SPMIP2: variants seen among roughly 807,000 people sequenced by gnomAD.
SPMIP2 encodes the protein sperm microtubule inner protein 2.
the SPMIP2 span, among the ~76,000 whole-genome samples, chr4:158,968,186 C>T: frequency 1.3e-5 from 2 of 152,094 alleles, no homozygotes; most frequent in African/African-American, 2.4e-5. Flanking sequence ...CCCATCACCA[C>T]GTCCAGCTAA....
chr4:158,972,131 G>A, the SPMIP2 span, among the ~76,000 whole-genome samples: 50,152 of 152,096 alleles, frequency 0.33, 8,391 homozygotes, highest in South Asian at 0.36. Flanking sequence ...GGAGGCCGAC[G>A]CAGGTGGATT....
the SPMIP2 span, among the ~76,000 whole-genome samples, chr4:158,997,520 G>C: frequency 6.6e-6 from 1 of 152,180 alleles, no homozygotes; most frequent in Non-Finnish European, 1.5e-5. Flanking sequence ...ACCGGACCCA[G>C]CCAAGGATAT....
the SPMIP2 span, among the ~76,000 whole-genome samples, chr4:158,915,600 T>C: frequency 6.6e-6 from 1 of 152,184 alleles, no homozygotes; most frequent in African/African-American, 2.4e-5. Flanking sequence ...ATGAAGCTTG[T>C]TGACGAATGC....
the SPMIP2 span, among the ~76,000 whole-genome samples, chr4:159,036,268 A>G: frequency 6.6e-6 from 1 of 152,200 alleles, no homozygotes; most frequent in Non-Finnish European, 1.5e-5. Context: ...GAGATGTGCT[A>G]CTCAGGTAGG....
chr4:158,923,408 C>T, the SPMIP2 span, among the ~76,000 whole-genome samples: 152,099 of 152,324 alleles, frequency 1, 75,938 homozygotes, highest in East Asian at 1. Context: ...TTCTTTACTT[C>T]CTTTCAATGA....
the SPMIP2 span, among the ~76,000 whole-genome samples, chr4:158,894,737 G>T: frequency 1.3e-5 from 2 of 152,132 alleles, no homozygotes; most frequent in African/African-American, 4.8e-5. Flanking sequence ...GCATTTCCAT[G>T]AGAATTGGTG....
At chr4:159,007,689 C>T in the SPMIP2 span, 3 of 713,410 alleles carry the variant, frequency 4.2e-6, no homozygotes, top group East Asian at 4.2e-5. Context: ...GGTCTTGGTG[C>T]ACCAGCGAGA....
chr4:158,950,989 G>A, the SPMIP2 span, among the ~76,000 whole-genome samples: 1 of 152,168 alleles, frequency 6.6e-6, no homozygotes, highest in Non-Finnish European at 1.5e-5. Flanking sequence ...TGTTTTGGGG[G>A]CTTCCAGTGA....
At chr4:159,054,396 T>C in the SPMIP2 span, among the ~76,000 whole-genome samples, 1 of 152,156 alleles carries the variant, frequency 6.6e-6, no homozygotes, top group Non-Finnish European at 1.5e-5. Context: ...CTTGCATGGA[T>C]GCAGGAAATG....
the SPMIP2 span, among the ~76,000 whole-genome samples, chr4:158,979,077 G>A: frequency 2.8e-4 from 43 of 152,312 alleles, no homozygotes; most frequent in East Asian, 4.4e-3. Flanking sequence ...CCAGAGAAGA[G>A]GAATCTAGAG....
At chr4:159,064,676 A>G in the SPMIP2 span, among the ~76,000 whole-genome samples, 1 of 152,220 alleles carries the variant, frequency 6.6e-6, no homozygotes, top group Non-Finnish European at 1.5e-5. Flanking sequence ...GAAAAATATT[A>G]AATACCCCAA....
chr4:158,941,668 A>G, the SPMIP2 span, among the ~76,000 whole-genome samples: 97,933 of 152,018 alleles, frequency 0.64, 32,125 homozygotes, highest in East Asian at 0.88. Flanking sequence ...CAGAAAACAG[A>G]AAGGAGATTT....
chr4:158,948,390 T>A, the SPMIP2 span, among the ~76,000 whole-genome samples: 1 of 152,168 alleles, frequency 6.6e-6, no homozygotes, highest in Non-Finnish European at 1.5e-5. Context: ...TGGTTGGGTA[T>A]AAAATTCTAG....
At chr4:158,993,223 AG>A in the SPMIP2 span, among the ~76,000 whole-genome samples, 9 of 152,146 alleles carry the variant, frequency 5.9e-5, no homozygotes, top group Middle Eastern at 3.4e-3. Flanking sequence ...TTAATTAGCC[AG>A]CCGCCCATGG....
chr4:159,017,376 C>CAT, the SPMIP2 span, among the ~76,000 whole-genome samples: 1 of 151,700 alleles, frequency 6.6e-6, no homozygotes, highest in Non-Finnish European at 1.5e-5. Context: ...CACACACACA[C>CAT]ACACAGACCT....
At chr4:158,908,782 G>A in the SPMIP2 span, among the ~76,000 whole-genome samples, 2 of 152,300 alleles carry the variant, frequency 1.3e-5, no homozygotes, top group African/African-American at 4.8e-5. Context: ...CGCCTCCTGG[G>A]TTCAAGTGAT....
the SPMIP2 span, among the ~76,000 whole-genome samples, chr4:158,976,978 G>A: frequency 8.5e-5 from 13 of 152,052 alleles, no homozygotes; most frequent in African/African-American, 2.9e-4. Flanking sequence ...TTTTTAATGT[G>A]CTGCTGGATT....
At chr4:158,955,436 A>C in the SPMIP2 span, among the ~76,000 whole-genome samples, 1 of 152,062 alleles carries the variant, frequency 6.6e-6, no homozygotes, top group Admixed American at 6.6e-5. Context: ...ACAGAGTCTC[A>C]CTCTGTCACC....
the SPMIP2 span, among the ~76,000 whole-genome samples, chr4:159,015,854 T>C: frequency 6.6e-6 from 1 of 152,204 alleles, no homozygotes; most frequent in African/African-American, 2.4e-5. Flanking sequence ...TGTGTGATAT[T>C]GTGTTGATGG....
Sources: gnomAD v4.1 joint callset for allele counts (sites outside exome capture counted in the v4.1 genomes callset) on GRCh38, gnomAD v4.1.1 for gene constraint, MANE v1.5 for transcripts, NCBI Gene and HGNC (gene_info 2026-07-23, HGNC 2026-07-21) for gene names.